SCN11A: variants seen among roughly 807,000 people sequenced by gnomAD.
SCN11A encodes sodium voltage-gated channel alpha subunit 11.
Under a neutral mutation model 162.2 loss-of-function variants are expected in SCN11A, and 122 were observed. The ratio of observed to expected loss-of-function variants is 0.75; its 90% confidence interval spans 0.65 to 0.87. The LOEUF (loss-of-function observed/expected upper bound fraction) is 0.87. Ranked by LOEUF, SCN11A falls within the 40% of genes least tolerant of loss-of-function variation. SCN11A has a pLI of 0.00. For synonymous variants in SCN11A, 758 were observed against 751.5 expected, an observed-to-expected ratio of 1.01 and a Z score of -0.14; for missense variants, 2,015 against 2,181.6, an observed-to-expected ratio of 0.92 and a Z score of 1.52.
At chr3:39,050,657 G>C (rs2032321771) in intron 1 of SCN11A, among the ~76,000 whole-genome samples, 1 of 152,112 alleles carries the variant, frequency 6.6e-6, no homozygotes, top group African/African-American at 2.4e-5. Context: ...CTATGCAACA[G>C]AAATTTGTGA....
chr3:38,908,860 T>G, intron 13 of SCN11A, 137 bp downstream of exon 13: 1 of 729,024 alleles, frequency 1.4e-6, no homozygotes, highest in Non-Finnish European at 2.4e-6. Context: ...GAGGGACTTA[T>G]ATTCTCAGAA....
chr3:38,894,884 C>T lies in SCN11A; in HGVS notation c.2484G>A (p.Arg828=), dbSNP rs2065569013. 6.2e-7 allele frequency: 1 copy of T among 1,614,182 alleles called. No homozygotes were observed. Among genetic ancestry groups the T allele is most frequent in the Non-Finnish European group, 8.5e-7 (1 of 1,180,026 alleles). ...CCAGTGCTAACTGGACTTTAGTTTT[C>T]CTGGCCTCTCCTTCTAAGTTTCCAT... is the stretch of plus-strand genomic sequence containing the variant. ...ERNGNLEGEA[R]KTKVQLALDR... The change falls in exon 19 of 30, where the codon AGG becomes AGA. Residue 828 remains arginine (R), a synonymous_variant. Coordinates refer to ENST00000302328, the MANE Select transcript of SCN11A (RefSeq NM_001349253.2).
chr3:38,906,124 A>T (rs1425671305), intron 14 of SCN11A, among the ~76,000 whole-genome samples: 1 of 152,076 alleles, frequency 6.6e-6, no homozygotes, highest in Non-Finnish European at 1.5e-5. Flanking sequence ...CCTTCTACCT[A>T]CTTCTGCAAA....
At chr3:38,869,286 CAGAT>C (rs1489661848) in intron 26 of SCN11A, among the ~76,000 whole-genome samples, 2 of 152,272 alleles carry the variant, frequency 1.3e-5, no homozygotes, top group East Asian at 3.9e-4. Context: ...CACCTCCGCA[CAGAT>C]GGATGTCAAA....
chr3:39,000,385 T>C (rs1248574750), intron 2 of SCN11A, among the ~76,000 whole-genome samples: 2 of 152,196 alleles, frequency 1.3e-5, no homozygotes, highest in Non-Finnish European at 2.9e-5. Flanking sequence ...ATAAGGCTTG[T>C]TCTTTCATCT....
chr3:38,909,920 A>T, intron 12 of SCN11A, 146 bp downstream of exon 12: 1 of 872,908 alleles, frequency 1.1e-6, no homozygotes, highest in Non-Finnish European at 1.7e-6. Context: ...ATTTAACAGT[A>T]CAACTGTTAA....
chr3:38,918,180 C>T (rs1265802031), intron 11 of SCN11A, among the ~76,000 whole-genome samples: 2 of 151,744 alleles, frequency 1.3e-5, no homozygotes, highest in Admixed American at 6.6e-5. Context: ...GGTTATACAC[C>T]CCACGTTGGA....
intron 28 of SCN11A, among the ~76,000 whole-genome samples, chr3:38,858,320 A>T (rs574015246): frequency 6.6e-6 from 1 of 152,296 alleles, no homozygotes; most frequent in East Asian, 1.9e-4. Flanking sequence ...AAAGGGTGGA[A>T]AAAGACATTC....
intron 26 of SCN11A, 113 bp from the exon 27 acceptor site, chr3:38,867,571 A>C: frequency 1.3e-6 from 1 of 751,660 alleles, no homozygotes; most frequent in South Asian, 1.9e-5. Flanking sequence ...CATTGACTAC[A>C]TAGCCTCTTC....
In SCN11A at chr3:38,910,102, C is replaced by G. The variant is rs375510582; in HGVS notation, c.1065G>C (p.Leu355=). 1 of 1,613,876 alleles carries G rather than the reference C, an allele frequency of 6.2e-7. No homozygotes were observed. The highest frequency in any genetic ancestry group is 8.5e-7 in the Non-Finnish European group (1 of 1,179,910). The change falls in exon 12 of 30, where the codon CTG becomes CTC. Residue 355 remains leucine, a synonymous_variant. Coordinates refer to ENST00000302328, the MANE Select transcript of SCN11A (RefSeq NM_001349253.2). ...GCTTCTCCCAGGAATCTTGGGTCAT[C>G]AGCCGGAACATGGCAAGAAAAGACC... The part of the protein sequence containing the change: ...FGWSFLAMFR[L]MTQDSWEKLY...
At chr3:38,950,594 T>A (rs2066598014) in intron 4 of SCN11A, 2 of 529,854 alleles carry the variant, frequency 3.8e-6, no homozygotes, top group Non-Finnish European at 6.8e-6. Context: ...AAGCAGGGCA[T>A]CATTCCTGGA....
intron 22 of SCN11A, among the ~76,000 whole-genome samples, 157 bp from the exon 23 acceptor site, chr3:38,880,280 A>G (rs2065288162): frequency 6.6e-6 from 1 of 152,210 alleles, no homozygotes; most frequent in Non-Finnish European, 1.5e-5. Flanking sequence ...AACTTTTCCA[A>G]TGGAATCCAT....
At chr3:38,992,827 A>C (rs1346477728) in intron 2 of SCN11A, among the ~76,000 whole-genome samples, 3 of 152,212 alleles carry the variant, frequency 2.0e-5, no homozygotes, top group Non-Finnish European at 4.4e-5. Context: ...TTCCTGATAC[A>C]TCAAGGGCAG....
intron 9 of SCN11A, among the ~76,000 whole-genome samples, chr3:38,924,903 G>T (rs775064038): frequency 2.2e-4 from 34 of 151,924 alleles, no homozygotes; most frequent in Middle Eastern, 3.4e-3. Context: ...TCTCTGTGCT[G>T]GCTGTTTCCC....
At chr3:38,878,757 ATTAAC>A (rs1318041428) in intron 23 of SCN11A, among the ~76,000 whole-genome samples, 1 of 152,098 alleles carries the variant, frequency 6.6e-6, no homozygotes, top group Non-Finnish European at 1.5e-5. Flanking sequence ...TGTAATACTG[ATTAAC>A]TCAGAATATT....
intron 2 of SCN11A, among the ~76,000 whole-genome samples, chr3:38,981,189 T>C (rs2125590487): frequency 6.6e-6 from 1 of 152,306 alleles, no homozygotes; most frequent in Middle Eastern, 3.4e-3. Context: ...TTTTCTTCCT[T>C]ATCTTCCTAA....
At chr3:38,962,534 T>C (rs1375927045) in intron 2 of SCN11A, among the ~76,000 whole-genome samples, 2 of 152,156 alleles carry the variant, frequency 1.3e-5, no homozygotes, top group African/African-American at 4.8e-5. Context: ...GTGTCATCTA[T>C]GATTTCTTTC....
chr3:38,927,100 T>C (rs1225956080), intron 7 of SCN11A, among the ~76,000 whole-genome samples, 169 bp from the exon 8 acceptor site: 1 of 152,176 alleles, frequency 6.6e-6, no homozygotes, highest in African/African-American at 2.4e-5. Context: ...AAGCAAGTCC[T>C]GGTATTTAGA....
chr3:39,024,655 TA>T (rs34675151), intron 2 of SCN11A, among the ~76,000 whole-genome samples: 10 of 152,154 alleles, frequency 6.6e-5, no homozygotes, highest in African/African-American at 1.9e-4. Flanking sequence ...AAACTGGCCA[TA>T]AAAAAAGTTA....
Sources: gnomAD v4.1 joint callset for allele counts (sites outside exome capture counted in the v4.1 genomes callset) on GRCh38, gnomAD v4.1.1 for gene constraint, MANE v1.5 for transcripts, NCBI Gene and HGNC (gene_info 2026-07-23, HGNC 2026-07-21) for gene names.